The following CD4 variants were observed in gnomAD, a reference collection of about 807,000 sequenced individuals.
The protein encoded by CD4 is CD4 molecule.
In CD4, 25 loss-of-function variants were observed where a neutral mutation model predicts 50.5. The ratio of observed to expected loss-of-function variants is 0.49; its 90% CI spans 0.36 to 0.69. The LOEUF is 0.69. Ranked by LOEUF, CD4 falls within the 30% of genes least tolerant of loss-of-function variation. The pLI is 0.00. For synonymous variants in CD4, 207 were observed against 221.9 expected (o/e 0.93, Z 0.60); for missense variants, 456 against 548.5 (o/e 0.83, Z 1.68).
chr12:6,790,676 C>T (rs934072583), intron 1 of CD4, among the ~76,000 whole-genome samples: 6 of 152,170 alleles, frequency 3.9e-5, no homozygotes, highest in African/African-American at 9.7e-5. Context: ...TCAGCCTTTC[C>T]GCCCTCAGAC....
intron 3 of CD4, among the ~76,000 whole-genome samples, chr12:6,801,037 C>G (rs529236291): frequency 6.6e-5 from 10 of 151,900 alleles, no homozygotes; most frequent in Non-Finnish European, 1.5e-4. Flanking sequence ...TCCCAAGTAG[C>G]TGGGACTACA....
chr12:6,815,977 T>G lies in CD4; in HGVS notation c.608-79T>G, dbSNP rs781970558. ...GTCGGGTCCCCTTCCATCTCCCTGC[T>G]GCCTCCACATGCCAACCCCACTCGT... On this transcript the variant is annotated intron_variant, in intron 5 of 9. Coordinates refer to ENST00000011653, the MANE Select transcript of CD4 (RefSeq NM_000616.5). 3 of 1,588,442 alleles carry G rather than the reference T, an allele frequency of 1.9e-6. No homozygotes were observed. The East Asian group carries it at 6.8e-5, about 36-fold the overall frequency.
rs199710994 is a variant in CD4 at position 6,818,808 on chromosome 12, C to T, written c.1279-39C>T. On this transcript the variant is annotated intron_variant, in intron 8 of 9. Transcript: ENST00000011653. The surrounding 1 kb of genome is among the most constrained non-coding windows in gnomAD (Gnocchi z 5.0). Reference sequence around the variant, plus strand: ...CCAAGGGGCACCTCCCTTCTGGAGGCCTGGGACCCTCGTGACTCCCTTTCT... The same window carrying T: ...CCAAGGGGCACCTCCCTTCTGGAGGTCTGGGACCCTCGTGACTCCCTTTCT... 6 of 1,581,848 alleles carry T rather than the reference C, an allele frequency of 3.8e-6. No homozygotes were observed. Among genetic ancestry groups the T allele is most frequent in the Non-Finnish European group, 5.2e-6 (6 of 1,150,534 alleles).
chr12:6,812,771 T>G (rs3222621), intron 3 of CD4, among the ~76,000 whole-genome samples: 7,829 of 57,564 alleles, frequency 0.14, 285 homozygotes, highest in African/African-American at 0.19. Context: ...AAGGTTATTT[T>G]TGTGTGTGTG....
intron 3 of CD4, among the ~76,000 whole-genome samples, chr12:6,801,835 C>G (rs782095115): frequency 6.7e-6 from 1 of 149,290 alleles, no homozygotes; most frequent in South Asian, 2.1e-4. Context: ...GCTGGGATTA[C>G]AGGCGTGAGT....
At chr12:6,812,771 T>TTGTGTGTG (rs782347075) in intron 3 of CD4, among the ~76,000 whole-genome samples, 1,045 of 57,570 alleles carry the variant, frequency 0.018, 8 homozygotes, top group Middle Eastern at 0.046. Flanking sequence ...AAGGTTATTT[T>TTGTGTGTG]TGTGTGTGTG....
In CD4 at chr12:6,800,073, C is replaced by T. The variant is rs1942490066; in HGVS notation, c.-66C>T. On this transcript the variant is annotated splice_region_variant and 5_prime_UTR_variant, in exon 2 of 10. Transcript: ENST00000011653. Reference sequence around the variant, plus strand: ...ACTAATGATTGGCATTTCCCTCAGGCCCTGCCATTTCTGTGGGCTCAGGTC... The same window carrying T: ...ACTAATGATTGGCATTTCCCTCAGGTCCTGCCATTTCTGTGGGCTCAGGTC... 6.5e-6 allele frequency: 9 copies of T among 1,392,838 alleles called. No homozygotes were observed. The South Asian group carries it at 1.0e-4, about 16-fold the overall frequency. The allele number at this position is 1,392,838 out of a possible 1,614,324, so 86.3% of individuals were successfully genotyped here. A position where few individuals can be genotyped will look rare whatever the true frequency, so the allele number is the denominator to read the frequency against.
At position 6,819,394 on chromosome 12, in the gene CD4, C is replaced by A; in HGVS notation, c.*65C>A. On this transcript the variant is annotated 3_prime_UTR_variant, in exon 10 of 10. Coordinates refer to ENST00000011653, the MANE Select transcript of CD4 (RefSeq NM_000616.5). ...GTGTCTGCCCCGCGTTTCCTGCCTG[C>A]GGACCAGATGAATGTAGCAGATCCC... 2.0e-6 allele frequency: 3 copies of A among 1,472,848 alleles called. No individual in the cohort carries two copies. The highest frequency in any genetic ancestry group is 1.9e-6 in the Non-Finnish European group (2 of 1,051,246). 91.2% of individuals were successfully genotyped at this position (1,472,848 alleles called of 1,614,324 possible).
intron 3 of CD4, among the ~76,000 whole-genome samples, chr12:6,810,472 G>A (rs1464024289): frequency 6.6e-6 from 1 of 152,148 alleles, no homozygotes; most frequent in African/African-American, 2.4e-5. Context: ...TGTGTGCCTA[G>A]AACTGAGGAG....
chr12:6,818,731 GGCCTGGGCCATGTAACT>G lies in CD4; in HGVS notation c.1279-113_1279-97del. 1 of 1,191,414 alleles carries G rather than the reference GGCCTGGGCCATGTAACT, an allele frequency of 8.4e-7. No individual in the cohort carries two copies. The highest frequency in any genetic ancestry group is 2.3e-5 in the East Asian group (1 of 42,876). The allele number at this position is 1,191,414 out of a possible 1,614,324, so 73.8% of individuals were successfully genotyped here. A position where few individuals can be genotyped will look rare whatever the true frequency, so the allele number is the denominator to read the frequency against. On this transcript the variant is annotated intron_variant, in intron 8 of 9. Transcript: ENST00000011653. The surrounding 1 kb of genome is among the most constrained non-coding windows in gnomAD (Gnocchi z 5.0). ...GCAGAGAGTTAATTCCAGGATAGAT[GGCCTGGGCCATGTAACT>G]GCTTCTCCTGTCGCAGCTTCCCCCA...
chr12:6,801,516 CAAA>C (rs200977719), intron 3 of CD4, among the ~76,000 whole-genome samples: 2 of 120,234 alleles, frequency 1.7e-5, no homozygotes, highest in Non-Finnish European at 3.4e-5. Context: ...GACTTCATCT[CAAA>C]AAAAAAAAAA....
intron 3 of CD4, chr12:6,813,747 A>G (rs782402877): frequency 6.2e-6 from 1 of 161,014 alleles, no homozygotes; most frequent in East Asian, 1.7e-4. Flanking sequence ...TTGGGTAATT[A>G]CTTAATCTCA....
intron 5 of CD4, 96 bp downstream of exon 5, chr12:6,815,088 G>GT (rs1943051549): frequency 1.2e-6 from 1 of 863,352 alleles, no homozygotes; most frequent in African/African-American, 1.7e-5. Context: ...TTCTGGTGCT[G>GT]GGAGGTCAGG....
At chr12:6,817,879 A>ACT (rs57382249) in intron 7 of CD4, among the ~76,000 whole-genome samples, 14,045 of 151,452 alleles carry the variant, frequency 0.093, 1,134 homozygotes, top group African/African-American at 0.21. Context: ...GCACACACAC[A>ACT]CTTACACATT....
Position 6,795,221 on chromosome 12 carries a change from T to G in CD4, c.-67-4851T>G, listed in dbSNP as rs534797912. 6.6e-5 allele frequency among the ~76,000 whole-genome samples: 10 copies of G among 152,268 alleles called. No homozygotes were observed. In the East Asian group the frequency reaches 1.9e-3, roughly 29 times the overall value. Reference sequence around the variant, plus strand: ...TCTGTCTGTATGTTTATCTAATCTATTTACCTAATCTATCAATCTATCATC... The same window carrying G: ...TCTGTCTGTATGTTTATCTAATCTAGTTACCTAATCTATCAATCTATCATC... On this transcript the variant is annotated intron_variant, in intron 1 of 9. Coordinates refer to ENST00000011653, the MANE Select transcript of CD4 (RefSeq NM_000616.5).
chr12:6,817,885 A>G (rs782800095), intron 7 of CD4, among the ~76,000 whole-genome samples: 14 of 151,702 alleles, frequency 9.2e-5, no homozygotes, highest in African/African-American at 3.4e-4. Flanking sequence ...ACACACTTAC[A>G]CATTCACGCA....
In CD4 at chr12:6,816,034, G is replaced by T. The variant is rs199866641; in HGVS notation, c.608-22G>T. On this transcript the variant is annotated intron_variant, in intron 5 of 9. Transcript: ENST00000011653. This position sits in a 1 kb window ranked among gnomAD's most constrained non-coding sequence, Gnocchi z 4.9. ...TCATCTTCCTATCTCCTCACCCAGGGTCTCTCCCTTCCCACCTCCAGCTTT... is the reference window on the plus strand; with the variant it reads ...TCATCTTCCTATCTCCTCACCCAGGTTCTCTCCCTTCCCACCTCCAGCTTT... 41 of 1,613,634 alleles carry T rather than the reference G, an allele frequency of 2.5e-5. No individual in the cohort carries two copies. The South Asian group carries it at 4.0e-4, about 16-fold the overall frequency.
chr12:6,818,661 T>G lies in CD4; in HGVS notation c.1278+119T>G. 7.5e-7 allele frequency: 1 copy of G among 1,332,254 alleles called. No homozygotes were observed. 82.5% of individuals were successfully genotyped at this position (1,332,254 alleles called of 1,614,324 possible). ...TCCCTCTGCCCACTCGTAAGTTCCCTTGCTGCCCTGTCCCAGATCCCACTC... is the reference window on the plus strand; with the variant it reads ...TCCCTCTGCCCACTCGTAAGTTCCCGTGCTGCCCTGTCCCAGATCCCACTC... On this transcript the variant is annotated intron_variant, in intron 8 of 9. Transcript: ENST00000011653. This position sits in a 1 kb window ranked among gnomAD's most constrained non-coding sequence, Gnocchi z 5.0.
At chr12:6,801,890 T>C (rs1479658016) in intron 3 of CD4, among the ~76,000 whole-genome samples, 3 of 150,424 alleles carry the variant, frequency 2.0e-5, no homozygotes, top group African/African-American at 7.4e-5. Flanking sequence ...TTTTTTTTTT[T>C]GAGGCAAACT....
Sources: gnomAD v4.1 joint callset for allele counts (sites outside exome capture counted in the v4.1 genomes callset) on GRCh38, gnomAD v4.1.1 for gene constraint, Gnocchi (gnomAD v3.1) non-coding constraint, MANE v1.5 for transcripts, NCBI Gene and HGNC (gene_info 2026-07-23, HGNC 2026-07-21) for gene names.